The following PKIB variants were observed in gnomAD, a reference collection of about 807,000 sequenced individuals.
The protein encoded by PKIB is PKI-beta.
Under a neutral mutation model 4.5 loss-of-function variants are expected in PKIB, and 2 were observed. The observed-to-expected ratio is 0.44, with a 90% confidence interval of 0.18 to 1.39. The LOEUF (loss-of-function observed/expected upper bound fraction) is 1.39. PKIB is among the 40% of genes most tolerant of loss of function. The pLI, the probability that PKIB is intolerant of heterozygous loss-of-function variation, is 0.27. For synonymous variants in PKIB, 38 were observed against 36.0 expected (o/e 1.06, Z -0.20); for missense variants, 94 against 92.6 (o/e 1.02, Z -0.06).
At chr6:122,654,502 T>C (rs1409510283) in intron 2 of PKIB, among the ~76,000 whole-genome samples, 1 of 152,208 alleles carries the variant, frequency 6.6e-6, no homozygotes, top group Non-Finnish European at 1.5e-5. Flanking sequence ...AAGTTGCTAT[T>C]TACCTCTAGA....
chr6:122,615,387 A>T (rs1248762085), intron 1 of PKIB, among the ~76,000 whole-genome samples: 2 of 152,138 alleles, frequency 1.3e-5, no homozygotes, highest in African/African-American at 4.8e-5. Context: ...TTCTAGAAAT[A>T]TTAGGAGATG....
At chr6:122,511,167 A>T (rs1436636138) in intron 2 of PKIB, among the ~76,000 whole-genome samples, 1 of 152,150 alleles carries the variant, frequency 6.6e-6, no homozygotes, top group Non-Finnish European at 1.5e-5. Flanking sequence ...AAACTGACCA[A>T]ACAGGCAAAG....
Position 122,519,908 on chromosome 6 carries a change from T to C in PKIB, c.-248+41969T>C, listed in dbSNP as rs556903501. Reference sequence around the variant, plus strand: ...TACACCCACTGTGGTCCAGATACAATACCCTAATCTTTTCTTCCTCCAGCT... The same window carrying C: ...TACACCCACTGTGGTCCAGATACAACACCCTAATCTTTTCTTCCTCCAGCT... On this transcript the variant is annotated intron_variant, in intron 2 of 6. Coordinates refer to the PKIB transcript ENST00000392491. Among the ~76,000 whole-genome samples the C allele has an allele frequency of 1.8e-4, 27 of 152,326 alleles. 1 individual carries two copies. In the South Asian group the frequency reaches 5.0e-3, roughly 28 times the overall value.
intron 3 of PKIB, among the ~76,000 whole-genome samples, chr6:122,589,992 C>T (rs930186538): frequency 6.6e-6 from 1 of 151,904 alleles, no homozygotes; most frequent in Non-Finnish European, 1.5e-5. Flanking sequence ...TGTGCATAAT[C>T]ATAATATATG....
chr6:122,641,931 G>T (rs1776134536), intron 2 of PKIB, among the ~76,000 whole-genome samples: 1 of 152,108 alleles, frequency 6.6e-6, no homozygotes, highest in African/African-American at 2.4e-5. Context: ...GACCTCAGAT[G>T]ATCTGCCCAA....
chr6:122,538,855 T>C (rs1777493556), intron 2 of PKIB, among the ~76,000 whole-genome samples: 1 of 152,112 alleles, frequency 6.6e-6, no homozygotes, highest in African/African-American at 2.4e-5. Context: ...TTTATTTCAT[T>C]GAGCAGTGTG....
chr6:122,573,046 A>G (rs1223668051), intron 2 of PKIB, among the ~76,000 whole-genome samples: 4 of 152,216 alleles, frequency 2.6e-5, no homozygotes, highest in African/African-American at 9.7e-5. Flanking sequence ...AGAATATTCA[A>G]AGAAGAGTTG....
chr6:122,640,409 G>T (rs1283062495), intron 2 of PKIB, among the ~76,000 whole-genome samples: 1 of 152,150 alleles, frequency 6.6e-6, no homozygotes, highest in African/African-American at 2.4e-5. Context: ...ATTCTTAGTT[G>T]CTGGAAAGAT....
intron 1 of PKIB, among the ~76,000 whole-genome samples, chr6:122,615,512 G>T (rs948417050): frequency 6.6e-6 from 1 of 152,198 alleles, no homozygotes; most frequent in Non-Finnish European, 1.5e-5. Context: ...CAAACATGCA[G>T]GTTTAAGAAT....
intron 1 of PKIB, among the ~76,000 whole-genome samples, chr6:122,619,198 TG>T (rs1775117304): frequency 6.6e-6 from 1 of 152,200 alleles, no homozygotes; most frequent in Non-Finnish European, 1.5e-5. Context: ...TGCACTGCTT[TG>T]TAGGATACTT....
In PKIB at chr6:122,655,965, G is replaced by A. The variant is rs1367647271; in HGVS notation, c.-75-19113G>A. ...AAAGGTGCTTGAAATTGTAAAAATT[G>A]AGCTCAACGGTAACCATATTATATT... On this transcript the variant is annotated intron_variant, in intron 2 of 4. Coordinates refer to ENST00000368452, the MANE Select transcript of PKIB (RefSeq NM_181795.3). Among the ~76,000 whole-genome samples the A allele has an allele frequency of 3.3e-5, 5 of 152,144 alleles. No individual in the cohort carries two copies. The East Asian group carries it at 7.7e-4, about 23-fold the overall frequency.
At chr6:122,557,249 T>TGCATG (rs1235204549) in intron 2 of PKIB, among the ~76,000 whole-genome samples, 1 of 152,122 alleles carries the variant, frequency 6.6e-6, no homozygotes, top group Non-Finnish European at 1.5e-5. Context: ...ATCTTCAAGG[T>TGCATG]AACAAATTAG....
chr6:122,595,013 G>A lies in PKIB; in HGVS notation c.-161+9006G>A, dbSNP rs190445407. Among the ~76,000 whole-genome samples, 485 of 152,254 alleles carry A rather than the reference G, an allele frequency of 3.2e-3. 1 individual carries two copies. The highest frequency in any genetic ancestry group is 5.2e-3 in the Non-Finnish European group (353 of 68,020). The stretch of plus-strand genomic sequence containing the variant: ...TCTTAACTTCCAGTTTAATGGGATC[G>A]TTGTTGCAACTCCTGGTGGCAGCTT... On this transcript the variant is annotated intron_variant, in intron 3 of 6. Coordinates refer to the PKIB transcript ENST00000392491.
At chr6:122,557,513 C>T (rs980296433) in intron 2 of PKIB, among the ~76,000 whole-genome samples, 3 of 152,086 alleles carry the variant, frequency 2.0e-5, no homozygotes, top group Non-Finnish European at 4.4e-5. Context: ...CAAAAGAGAA[C>T]TTGTGTAAGA....
intron 3 of PKIB, among the ~76,000 whole-genome samples, chr6:122,708,427 G>T (rs549438649): frequency 6.6e-6 from 1 of 152,228 alleles, no homozygotes; most frequent in South Asian, 2.1e-4. Context: ...AACATGGTTT[G>T]TTTCTGAAAG....
chr6:122,680,434 C>G (rs1048604715), intron 3 of PKIB, among the ~76,000 whole-genome samples: 5 of 152,112 alleles, frequency 3.3e-5, no homozygotes, highest in African/African-American at 4.8e-5. Flanking sequence ...GTTCTTCAGA[C>G]CTATGGTTGA....
At chr6:122,588,270 T>A (rs548924969) in intron 3 of PKIB, among the ~76,000 whole-genome samples, 26 of 152,286 alleles carry the variant, frequency 1.7e-4, no homozygotes, top group African/African-American at 6.3e-4. Context: ...GCACCATTTA[T>A]TAAATAGGGA....
At chr6:122,600,123 A>G (rs2114739037) in intron 3 of PKIB, among the ~76,000 whole-genome samples, 1 of 152,298 alleles carries the variant, frequency 6.6e-6, no homozygotes, top group South Asian at 2.1e-4. Context: ...CTGAGGATCA[A>G]GGTAAGCCAG....
intron 2 of PKIB, among the ~76,000 whole-genome samples, chr6:122,660,030 A>G (rs945530578): frequency 1.2e-4 from 19 of 152,238 alleles, no homozygotes; most frequent in Non-Finnish European, 4.4e-5. Flanking sequence ...TTAATTATCT[A>G]CTTTAGTTTT....
Sources: allele counts gnomAD v4.1 joint callset (sites outside exome capture counted in the v4.1 genomes callset), GRCh38; gene constraint gnomAD v4.1.1; transcripts MANE v1.5; gene names NCBI Gene and HGNC (gene_info 2026-07-23, HGNC 2026-07-21).